The following NFASC variants were observed in gnomAD, a reference collection of about 807,000 sequenced individuals.
NFASC encodes the protein neurofascin.
NFASC carries 43 observed loss-of-function variants against 147.5 expected under a neutral mutation model. The observed-to-expected ratio is 0.29, with a 90% CI of 0.23 to 0.38. The LOEUF (loss-of-function observed/expected upper bound fraction) is 0.38. NFASC is among the 10% of genes least tolerant of loss of function. The pLI is 1.00. For missense variants in NFASC, 1,320 were observed against 1,689.0 expected (o/e 0.78, Z 3.83); for synonymous variants, 622 against 665.5 (o/e 0.93, Z 1.01).
chr1:204,863,847 C>CAA (rs35987665), intron 1 of NFASC, among the ~76,000 whole-genome samples: 3 of 61,718 alleles, frequency 4.9e-5, no homozygotes, highest in African/African-American at 1.0e-4. Flanking sequence ...GACTCTGTCT[C>CAA]AAAAAAAAAA....
chr1:204,997,403 T>A lies in NFASC; in HGVS notation c.3016T>A (p.Ser1006Thr). ...CACCTCCGGGACTAAGATACACGAA[T>A]CCGGTACTGCGCATCGCCCATGCTC... ...TTTSGTKIHE[S>T]APDEQSIWNV... Residue 1006 changes from serine to threonine, a missense_variant, in exon 25 of 30, where the codon TCC becomes ACC. Around this residue, in one of 3 missense-constraint regions of NFASC, gnomAD observed 172 missense variants for 165.8 expected, o/e 1.04. Transcript: ENST00000339876. 6.4e-7 allele frequency: 1 copy of A among 1,551,890 alleles called. No homozygotes were observed. The highest frequency in any genetic ancestry group is 8.7e-7 in the Non-Finnish European group (1 of 1,147,042).
intron 1 of NFASC, among the ~76,000 whole-genome samples, chr1:204,908,527 A>G (rs1178959343): frequency 6.6e-6 from 1 of 152,064 alleles, no homozygotes; most frequent in Non-Finnish European, 1.5e-5. Context: ...TTTTGAGGGT[A>G]TTATAGATTC....
At chr1:205,005,400 G>A (rs536886149) in intron 27 of NFASC, among the ~76,000 whole-genome samples, 1 of 151,272 alleles carries the variant, frequency 6.6e-6, no homozygotes, top group Non-Finnish European at 1.5e-5. Flanking sequence ...GGTGTTGCCG[G>A]GAGAGGTGTG....
chr1:204,992,068 C>T (rs1349516989), intron 24 of NFASC, among the ~76,000 whole-genome samples: 2 of 152,206 alleles, frequency 1.3e-5, no homozygotes, highest in South Asian at 4.1e-4. Flanking sequence ...CCTCTCCAGT[C>T]CTCATGTCAT....
chr1:204,876,450 G>A (rs1474128323), intron 1 of NFASC, among the ~76,000 whole-genome samples: 3 of 152,072 alleles, frequency 2.0e-5, no homozygotes, highest in Non-Finnish European at 4.4e-5. Flanking sequence ...GGTAAAATAT[G>A]TACAACATAC....
chr1:204,991,699 G>A (rs746594173), intron 24 of NFASC, among the ~76,000 whole-genome samples: 20 of 152,208 alleles, frequency 1.3e-4, no homozygotes, highest in Non-Finnish European at 2.6e-4. Context: ...CCTAGAAGGC[G>A]CGCTGCAGCA....
rs765623110 is a variant in NFASC, at chr1:204,957,762, C to T, written c.642C>T (p.Asn214=). 3.1e-6 allele frequency: 5 copies of T among 1,614,160 alleles called. No individual in the cohort carries two copies. The highest frequency in any genetic ancestry group is 2.2e-5 in the South Asian group (2 of 91,082). Residue 214 remains asparagine, a synonymous_variant, in exon 8 of 30, where the codon AAC becomes AAT. Transcript: ENST00000339876. ...ACATGCAGACCGACTACAGTTGTAACGCCCGCTTCCACTTCACCCACACCA... is the reference window on the plus strand; with the variant it reads ...ACATGCAGACCGACTACAGTTGTAATGCCCGCTTCCACTTCACCCACACCA... ...LQDMQTDYSC[N]ARFHFTHTIQ... is the part of the protein sequence containing the mutation.
At chr1:204,959,465 G>T (rs1248979997) in intron 8 of NFASC, among the ~76,000 whole-genome samples, 1 of 152,230 alleles carries the variant, frequency 6.6e-6, no homozygotes, top group African/African-American at 2.4e-5. Flanking sequence ...AGCTGGCTGG[G>T]CTGGGAAGGA....
rs1217274466 is a variant in NFASC at position 204,975,065 on chromosome 1, T to G, written c.1559-206T>G. Among the ~76,000 whole-genome samples the G allele has an allele frequency of 2.6e-5, 4 of 152,224 alleles. No homozygotes were observed. The highest frequency in any genetic ancestry group is 5.9e-5 in the Non-Finnish European group (4 of 68,034). On this transcript the variant is annotated intron_variant, in intron 14 of 29. Coordinates refer to ENST00000339876, the MANE Select transcript of NFASC (RefSeq NM_001005388.3). This position sits in a 1 kb window ranked among gnomAD's most constrained non-coding sequence, Gnocchi z 4.0. Reference sequence around the variant, plus strand: ...GCCCAGAAATTACATCATATATTCCTGAGCCAGATGGAGTGGATTTGGGGC... The same window carrying G: ...GCCCAGAAATTACATCATATATTCCGGAGCCAGATGGAGTGGATTTGGGGC...
intron 27 of NFASC, among the ~76,000 whole-genome samples, chr1:205,004,119 T>C (rs1433517037): frequency 6.6e-6 from 1 of 152,248 alleles, no homozygotes; most frequent in Non-Finnish European, 1.5e-5. Context: ...TATGTGCATT[T>C]GATTTTGCTT....
chr1:204,922,745 C>A (rs1022473526), intron 2 of NFASC, among the ~76,000 whole-genome samples: 1 of 152,178 alleles, frequency 6.6e-6, no homozygotes, highest in African/African-American at 2.4e-5. Flanking sequence ...TATCAAAGGA[C>A]TTTCAGACAC....
At chr1:204,891,834 AG>A (rs2082458076) in intron 1 of NFASC, among the ~76,000 whole-genome samples, 1 of 152,154 alleles carries the variant, frequency 6.6e-6, no homozygotes, top group Non-Finnish European at 1.5e-5. Flanking sequence ...AGAGATGAAG[AG>A]GCACGTTGCC....
intron 1 of NFASC, among the ~76,000 whole-genome samples, chr1:204,904,059 C>T (rs969843411): frequency 1.3e-5 from 2 of 152,138 alleles, no homozygotes; most frequent in Non-Finnish European, 2.9e-5. Context: ...TTTAACATCG[C>T]TAGGCTTCAG....
In NFASC at chr1:204,927,088, T is replaced by TGATA. The variant is rs796549966; in HGVS notation, c.-91+6360_-91+6363dup. ...AGACTCCATCTCAAAAATAGATAGA[T>TGATA]GATAGATAGATAGATGGATGGATGA... On this transcript the variant is annotated intron_variant, in intron 2 of 29. Transcript: ENST00000339876. Among the ~76,000 whole-genome samples, 10 of 151,984 alleles carry TGATA rather than the reference T, an allele frequency of 6.6e-5. No homozygotes were observed. The East Asian group carries it at 9.8e-4, about 15-fold the overall frequency.
chr1:204,906,930 G>A lies in NFASC; in HGVS notation c.-199-13702G>A, dbSNP rs140169844. Among the ~76,000 whole-genome samples, 33 of 152,222 alleles carry A rather than the reference G, an allele frequency of 2.2e-4. No individual in the cohort carries two copies. In the East Asian group the frequency reaches 2.7e-3, roughly 13 times the overall value. On this transcript the variant is annotated intron_variant, in intron 1 of 29. Transcript: ENST00000339876. ...CATCTCCTGACCTTGTGATCCGCCCGCCTTGGCCTCCCAAAGTGCTGGGAT... is the reference window on the plus strand; with the variant it reads ...CATCTCCTGACCTTGTGATCCGCCCACCTTGGCCTCCCAAAGTGCTGGGAT...
At chr1:204,831,895 C>A (rs745971250) in intron 1 of NFASC, among the ~76,000 whole-genome samples, 1 of 152,144 alleles carries the variant, frequency 6.6e-6, no homozygotes, top group Non-Finnish European at 1.5e-5. Context: ...GACAGGTGAT[C>A]AGACAAATAA....
At chr1:204,909,063 G>T (rs1027555252) in intron 1 of NFASC, among the ~76,000 whole-genome samples, 8 of 152,180 alleles carry the variant, frequency 5.3e-5, no homozygotes, top group Admixed American at 2.0e-4. Flanking sequence ...ACAGGTTTTT[G>T]TGTGAACATA....
At chr1:204,892,030 T>A (rs1228991208) in intron 1 of NFASC, among the ~76,000 whole-genome samples, 2 of 152,244 alleles carry the variant, frequency 1.3e-5, no homozygotes, top group Non-Finnish European at 2.9e-5. Context: ...ATCAGGAATG[T>A]GCCTTGTATG....
intron 1 of NFASC, among the ~76,000 whole-genome samples, chr1:204,857,913 C>CTTT (rs1338962090): frequency 3.2e-5 from 4 of 125,336 alleles, no homozygotes; most frequent in African/African-American, 1.4e-4. Flanking sequence ...TCTCCTTCTT[C>CTTT]TTCTTCTTTT....
Sources: allele counts gnomAD v4.1 joint callset (sites outside exome capture counted in the v4.1 genomes callset), GRCh38; gene constraint gnomAD v4.1.1; regional missense constraint gnomAD v4.1.1; non-coding constraint Gnocchi (gnomAD v3.1); transcripts MANE v1.5; gene names NCBI Gene and HGNC (gene_info 2026-07-23, HGNC 2026-07-21).